Variants in NRXN1 observed in about 807,000 individuals in gnomAD.
NRXN1 encodes neurexin-1.
NRXN1 carries 39 observed loss-of-function variants against 150.9 expected under a neutral mutation model. That is an observed-to-expected ratio of 0.26 (90% confidence interval 0.20 to 0.34). The LOEUF is 0.34. Ranked by LOEUF, NRXN1 falls within the 10% of genes least tolerant of loss-of-function variation. NRXN1 has a pLI of 1.00. For synonymous variants in NRXN1, 924 were observed against 757.0 expected, an observed-to-expected ratio of 1.22 and a Z score of -3.62; for missense variants, 1,815 against 1,949.9, an observed-to-expected ratio of 0.93 and a Z score of 1.30.
chr2:50,514,296 C>A (rs1278021105), intron 12 of NRXN1, among the ~76,000 whole-genome samples: 1 of 152,012 alleles, frequency 6.6e-6, no homozygotes, highest in African/African-American at 2.4e-5. Context: ...ATATTTAGAC[C>A]TACAGCACCT....
chr2:49,978,839 A>G (rs1291407740), intron 21 of NRXN1, among the ~76,000 whole-genome samples: 1 of 152,084 alleles, frequency 6.6e-6, no homozygotes, highest in Non-Finnish European at 1.5e-5. Context: ...GAATAGTCCA[A>G]CTCCTTCGTT....
At chr2:50,836,852 A>C (rs1159787396) in intron 5 of NRXN1, among the ~76,000 whole-genome samples, 2 of 151,874 alleles carry the variant, frequency 1.3e-5, no homozygotes, top group South Asian at 2.1e-4. Context: ...AAAAAAAAAA[A>C]AAAACAGAAG....
intron 5 of NRXN1, among the ~76,000 whole-genome samples, chr2:50,808,253 A>T (rs1210332795): frequency 6.6e-6 from 1 of 152,142 alleles, no homozygotes. Flanking sequence ...CATGTTATGG[A>T]TAAAGAAGCA....
At position 50,520,400 on chromosome 2, in the gene NRXN1, A is replaced by T. The variant is rs578118560; in HGVS notation, c.2374+8225T>A. On this transcript the variant is annotated intron_variant, in intron 12 of 22. Transcript: ENST00000401669. ...TTTAAATTATATTTTACTTTTACCC[A>T]CTTTTGATTTTTTAATCACAATAGC... Among the ~76,000 whole-genome samples the T allele has an allele frequency of 2.6e-4, 39 of 152,008 alleles. 2 individuals are homozygous for T. In the South Asian group the frequency reaches 8.1e-3, roughly 31 times the overall value.
chr2:50,093,836 G>T (rs941344294), intron 18 of NRXN1, among the ~76,000 whole-genome samples: 1 of 152,096 alleles, frequency 6.6e-6, no homozygotes, highest in Non-Finnish European at 1.5e-5. Context: ...ATTTGGCTAA[G>T]GTCGCACAGC....
intron 21 of NRXN1, among the ~76,000 whole-genome samples, chr2:50,005,148 A>G (rs1374085497): frequency 6.6e-6 from 1 of 152,172 alleles, no homozygotes; most frequent in Non-Finnish European, 1.5e-5. Flanking sequence ...CAAAGAAAGT[A>G]AGAAATTACC....
rs1260725698 is a variant in NRXN1, at chr2:50,598,577, TG to T, written c.1320+21444del. The stretch of plus-strand genomic sequence containing the variant: ...GTATATATATATGTGTGTGTGTGTG[TG>T]TATATATATGTATATATGCGCGTGT... On this transcript the variant is annotated intron_variant, in intron 8 of 22. Transcript: ENST00000401669. 2.9e-4 allele frequency among the ~76,000 whole-genome samples: 43 copies of T among 149,260 alleles called. 1 individual carries two copies. Among genetic ancestry groups the T allele is most frequent in the African/African-American group, 1.0e-3 (42 of 40,534 alleles).
intron 2 of NRXN1, among the ~76,000 whole-genome samples, chr2:50,965,452 C>T (rs563815495): frequency 7.9e-5 from 12 of 151,096 alleles, no homozygotes; most frequent in Non-Finnish European, 1.5e-4. Flanking sequence ...GCAAAATAAC[C>T]GTTTGATTTT....
At chr2:50,576,306 C>G (rs1671423392) in intron 8 of NRXN1, among the ~76,000 whole-genome samples, 1 of 152,014 alleles carries the variant, frequency 6.6e-6, no homozygotes, top group South Asian at 2.1e-4. Context: ...ATGGTAGTGA[C>G]AAATTTCCTG....
At chr2:50,839,456 A>G (rs1672563819) in intron 5 of NRXN1, among the ~76,000 whole-genome samples, 1 of 152,174 alleles carries the variant, frequency 6.6e-6, no homozygotes, top group Non-Finnish European at 1.5e-5. Flanking sequence ...TAAGGTATCA[A>G]TATTTTTAAC....
intron 17 of NRXN1, among the ~76,000 whole-genome samples, chr2:50,392,995 T>C (rs2081830266): frequency 6.6e-6 from 1 of 151,976 alleles, no homozygotes; most frequent in African/African-American, 2.4e-5. Flanking sequence ...TTGGATGACA[T>C]GGAAACATTC....
chr2:50,677,553 T>G (rs1559111737), intron 5 of NRXN1, among the ~76,000 whole-genome samples: 1 of 152,156 alleles, frequency 6.6e-6, no homozygotes, highest in Admixed American at 6.6e-5. Flanking sequence ...GCTAATCAAT[T>G]TAGTTAATTC....
intron 3 of NRXN1, among the ~76,000 whole-genome samples, chr2:50,925,342 A>T (rs1232979416): frequency 6.6e-6 from 1 of 151,884 alleles, no homozygotes; most frequent in Non-Finnish European, 1.5e-5. Flanking sequence ...GACTGAATAA[A>T]ATATTTAGCA....
At chr2:50,982,448 G>A (rs976354237) in intron 2 of NRXN1, among the ~76,000 whole-genome samples, 15 of 152,030 alleles carry the variant, frequency 9.9e-5, no homozygotes, top group Non-Finnish European at 7.4e-5. Flanking sequence ...TGCTCTGAAC[G>A]TGGCCTAAGG....
intron 22 of NRXN1, among the ~76,000 whole-genome samples, chr2:49,932,282 A>T (rs1441656896): frequency 2.6e-5 from 4 of 152,076 alleles, no homozygotes; most frequent in African/African-American, 9.7e-5. Context: ...TTAGCCTGGC[A>T]TGGTGGCGCA....
intron 17 of NRXN1, among the ~76,000 whole-genome samples, chr2:50,452,808 T>C (rs1398068910): frequency 6.6e-6 from 1 of 152,186 alleles, no homozygotes; most frequent in Admixed American, 6.5e-5. Context: ...TAATTCTCAA[T>C]CTATATAAAT....
intron 5 of NRXN1, among the ~76,000 whole-genome samples, chr2:50,770,389 T>C (rs980145430): frequency 1.8e-4 from 28 of 151,804 alleles, no homozygotes; most frequent in Admixed American, 1.5e-3. Context: ...ACAACAGGAG[T>C]TACCAAATGC....
chr2:50,336,594 C>A (rs755202609), intron 17 of NRXN1, among the ~76,000 whole-genome samples: 17 of 152,236 alleles, frequency 1.1e-4, no homozygotes, highest in Non-Finnish European at 2.4e-4. Flanking sequence ...CTCATCACCA[C>A]TGTTCCCTTT....
chr2:50,144,367 G>A (rs1707706900), intron 18 of NRXN1, among the ~76,000 whole-genome samples: 1 of 151,740 alleles, frequency 6.6e-6, no homozygotes, highest in Admixed American at 6.6e-5. Context: ...CATCCAGGTT[G>A]ATACTCACAG....
Sources: allele counts gnomAD v4.1 joint callset (sites outside exome capture counted in the v4.1 genomes callset), GRCh38; gene constraint gnomAD v4.1.1; transcripts MANE v1.5; gene names NCBI Gene and HGNC (gene_info 2026-07-23, HGNC 2026-07-21).